Variants in TTC17 observed in about 807,000 individuals in gnomAD.
The protein encoded by TTC17 is tetratricopeptide repeat protein 17.
Under a neutral mutation model 143.8 loss-of-function variants are expected in TTC17, and 58 were observed. The observed-to-expected ratio is 0.40, with a 90% confidence interval of 0.33 to 0.50. The LOEUF (loss-of-function observed/expected upper bound fraction) is 0.50, where lower values mean the gene tolerates loss of function less well. TTC17 is among the 20% of genes least tolerant of loss of function. The probability of loss-of-function intolerance (pLI) is 0.49; values close to 1 mark genes in which losing one functional copy is unlikely to be tolerated. For synonymous variants in TTC17, 501 were observed against 497.8 expected (o/e 1.01, Z -0.09); for missense variants, 1,273 against 1,392.5 (o/e 0.91, Z 1.37).
intron 21 of TTC17, among the ~76,000 whole-genome samples, chr11:43,464,068 G>T (rs1947922753): frequency 6.6e-6 from 1 of 152,110 alleles, no homozygotes; most frequent in African/African-American, 2.4e-5. Context: ...CTGAGGTCAG[G>T]AGTTCAAGAC....
At chr11:43,443,620 C>A in intron 17 of TTC17, 36 bp downstream of exon 17, 1 of 1,580,012 alleles carries the variant, frequency 6.3e-7, no homozygotes, top group Non-Finnish European at 8.6e-7. Flanking sequence ...AAAATTGTAG[C>A]CCATGCCTTT....
intron 10 of TTC17, among the ~76,000 whole-genome samples, chr11:43,402,156 G>A (rs1429359798): frequency 6.6e-6 from 1 of 152,054 alleles, no homozygotes; most frequent in Non-Finnish European, 1.5e-5. Context: ...ATATTTATAT[G>A]CACATGCATT....
chr11:43,463,350 A>G (rs2134799575), intron 21 of TTC17, among the ~76,000 whole-genome samples: 1 of 152,362 alleles, frequency 6.6e-6, no homozygotes, highest in Admixed American at 6.5e-5. Flanking sequence ...GATATTGACC[A>G]ATACAGATTA....
intron 21 of TTC17, among the ~76,000 whole-genome samples, chr11:43,467,026 G>A (rs540724016): frequency 4.6e-5 from 7 of 152,094 alleles, no homozygotes; most frequent in South Asian, 4.1e-4. Context: ...GTCCCTCCAC[G>A]TATAGCTGGA....
chr11:43,459,869 T>TAAAG (rs1947831884), intron 21 of TTC17, among the ~76,000 whole-genome samples: 1 of 152,218 alleles, frequency 6.6e-6, no homozygotes, highest in African/African-American at 2.4e-5. Context: ...TTAGATTACT[T>TAAAG]TGTTCAATAT....
intron 3 of TTC17, among the ~76,000 whole-genome samples, chr11:43,390,555 GCAGTGA>G (rs1857340060): frequency 6.7e-6 from 1 of 150,362 alleles, no homozygotes; most frequent in Non-Finnish European, 1.5e-5. Context: ...GGCAGAGCTT[GCAGTGA>G]GCCAAGATGG....
chr11:43,359,367 A>G (rs1856000680), intron 1 of TTC17: 1 of 440,804 alleles, frequency 2.3e-6, no homozygotes, highest in South Asian at 4.7e-5. Context: ...CGCGTGGGGA[A>G]GAGTCGCCCA....
chr11:43,389,920 C>T, intron 3 of TTC17, 99 bp downstream of exon 3: 1 of 1,107,654 alleles, frequency 9.0e-7, no homozygotes. Context: ...AAGCTTCAAT[C>T]ACAGATGAGT....
At chr11:43,481,477 A>G (rs1342646868) in intron 21 of TTC17, among the ~76,000 whole-genome samples, 3 of 152,126 alleles carry the variant, frequency 2.0e-5, no homozygotes, top group Non-Finnish European at 4.4e-5. Flanking sequence ...TTAATATTTG[A>G]TAGAATTTGC....
intron 15 of TTC17, among the ~76,000 whole-genome samples, chr11:43,408,208 T>C (rs927190154): frequency 1.3e-5 from 2 of 152,222 alleles, no homozygotes; most frequent in African/African-American, 4.8e-5. Flanking sequence ...ACAATTAAAT[T>C]GATTTTATAC....
chr11:43,434,237 A>G (rs1370640803), intron 16 of TTC17, among the ~76,000 whole-genome samples: 7 of 139,452 alleles, frequency 5.0e-5, no homozygotes, highest in Non-Finnish European at 1.1e-4. Context: ...ACACACTCTC[A>G]TGGCCTCTTT....
At chr11:43,449,895 C>T in intron 19 of TTC17, 187 bp from the exon 20 acceptor site, 1 of 632,418 alleles carries the variant, frequency 1.6e-6, no homozygotes, top group Non-Finnish European at 2.6e-6. Flanking sequence ...TATTTATCAC[C>T]ACTTATATCT....
chr11:43,384,081 G>A (rs1857078743), intron 2 of TTC17, among the ~76,000 whole-genome samples: 2 of 151,860 alleles, frequency 1.3e-5, no homozygotes, highest in South Asian at 4.2e-4. Context: ...GATGTTTGAG[G>A]TTACAGTGAG....
intron 21 of TTC17, among the ~76,000 whole-genome samples, chr11:43,462,921 C>CTTTTTTT (rs562594929): frequency 0.2 from 23,676 of 117,320 alleles, 4,000 homozygotes; most frequent in Non-Finnish European, 0.26. Context: ...TGACAAAATT[C>CTTTTTTT]TTTTTTTTTT....
chr11:43,395,392 G>C (rs756258913), intron 5 of TTC17: 2 of 152,084 alleles, frequency 1.3e-5, no homozygotes, highest in African/African-American at 4.8e-5. Context: ...GAGCCACCGC[G>C]CCCGGCCTCA....
intron 21 of TTC17, among the ~76,000 whole-genome samples, chr11:43,453,786 A>C (rs1947710676): frequency 1.3e-5 from 2 of 152,196 alleles, no homozygotes. Context: ...AACCATTGTT[A>C]AGTTGAAAAT....
At position 43,494,780 on chromosome 11, in the gene TTC17, C is replaced by T. The variant is rs1223866237; in HGVS notation, c.*876C>T. 6.6e-6 allele frequency: 1 copy of T among 152,156 alleles called. No individual in the cohort carries two copies. Among genetic ancestry groups the T allele is most frequent in the African/African-American group, 2.4e-5 (1 of 41,426 alleles). The allele number at this position is 152,156 out of a possible 1,614,324, so 9.4% of individuals were successfully genotyped here. ...GTCAGCTCCCTCTCTCTGAGGCCTC[C>T]AGACTTAGCTCCTCAGGAGGGTAAT... On this transcript the variant is annotated 3_prime_UTR_variant, in exon 24 of 24. Coordinates refer to ENST00000039989, the MANE Select transcript of TTC17 (RefSeq NM_018259.6).
intron 15 of TTC17, among the ~76,000 whole-genome samples, chr11:43,413,328 C>T (rs1946699619): frequency 6.6e-6 from 1 of 152,102 alleles, no homozygotes; most frequent in African/African-American, 2.4e-5. Context: ...ACACCATACA[C>T]AGGATTAATT....
chr11:43,393,241 G>A (rs1857455174), intron 5 of TTC17, among the ~76,000 whole-genome samples: 1 of 152,214 alleles, frequency 6.6e-6, no homozygotes, highest in Admixed American at 6.5e-5. Context: ...CACTTCAGAT[G>A]CCAGTCGCAA....
Sources: gnomAD v4.1 joint callset for allele counts (sites outside exome capture counted in the v4.1 genomes callset) on GRCh38, gnomAD v4.1.1 for gene constraint, MANE v1.5 for transcripts, NCBI Gene and HGNC (gene_info 2026-07-23, HGNC 2026-07-21) for gene names.